NEGR1: variants seen among roughly 807,000 people sequenced by gnomAD.
NEGR1 encodes neuronal growth regulator 1.
Under a neutral mutation model 40.9 loss-of-function variants are expected in NEGR1, and 10 were observed. That is an observed-to-expected ratio of 0.24 (90% CI 0.15 to 0.42). The LOEUF is 0.42. Ranked by LOEUF, NEGR1 falls within the 10% of genes least tolerant of loss-of-function variation. The pLI is 1.00. For synonymous variants in NEGR1, 185 were observed against 166.8 expected, an observed-to-expected ratio of 1.11 and a Z score of -0.84; for missense variants, 352 against 438.9, an observed-to-expected ratio of 0.80 and a Z score of 1.77.
intron 6 of NEGR1, among the ~76,000 whole-genome samples, chr1:71,415,242 A>G (rs1646347826): frequency 6.6e-6 from 1 of 151,876 alleles, no homozygotes. Flanking sequence ...AAATCTCTCT[A>G]TTTTTGTGTT....
intron 5 of NEGR1, among the ~76,000 whole-genome samples, chr1:71,605,148 A>G (rs559746519): frequency 6.6e-6 from 1 of 152,198 alleles, no homozygotes; most frequent in Non-Finnish European, 1.5e-5. Context: ...AAACAGGAAA[A>G]GTAAGTAAAA....
At chr1:72,169,041 A>C (rs1211035293) in intron 1 of NEGR1, among the ~76,000 whole-genome samples, 1 of 152,226 alleles carries the variant, frequency 6.6e-6, no homozygotes, top group East Asian at 1.9e-4. Flanking sequence ...AAATGATGGG[A>C]GACAACCATA....
At chr1:71,982,665 T>C (rs557425780) in intron 1 of NEGR1, among the ~76,000 whole-genome samples, 2 of 152,176 alleles carry the variant, frequency 1.3e-5, no homozygotes, top group East Asian at 3.9e-4. Flanking sequence ...CAGCACAGTG[T>C]TTGCATACAT....
intron 3 of NEGR1, among the ~76,000 whole-genome samples, chr1:71,728,250 T>G (rs1022227839): frequency 6.6e-6 from 1 of 152,090 alleles, no homozygotes; most frequent in Non-Finnish European, 1.5e-5. Context: ...TCAATCAATA[T>G]ACAACCAACA....
chr1:71,775,347 T>C (rs1448791706), intron 3 of NEGR1, among the ~76,000 whole-genome samples: 2 of 12,566 alleles, frequency 1.6e-4, no homozygotes, highest in Non-Finnish European at 7.5e-4. Flanking sequence ...ATTCTTTAAC[T>C]TTTTTTTTTT....
intron 1 of NEGR1, among the ~76,000 whole-genome samples, chr1:72,045,641 C>A (rs1646994223): frequency 6.6e-6 from 1 of 151,796 alleles, no homozygotes; most frequent in Non-Finnish European, 1.5e-5. Context: ...CCTCCTCAGC[C>A]ATGTGGAACT....
At chr1:72,151,856 A>T (rs1397992969) in intron 1 of NEGR1, among the ~76,000 whole-genome samples, 1 of 151,870 alleles carries the variant, frequency 6.6e-6, no homozygotes, top group African/African-American at 2.4e-5. Context: ...AATCCCAAAG[A>T]TGTAGACACC....
intron 1 of NEGR1, among the ~76,000 whole-genome samples, chr1:72,111,494 G>A (rs2630395): frequency 0.46 from 69,292 of 150,900 alleles, 16,032 homozygotes; most frequent in Non-Finnish European, 0.5. Flanking sequence ...TGCATAAAGT[G>A]CTGCTTATTA....
intron 1 of NEGR1, among the ~76,000 whole-genome samples, chr1:72,112,539 G>A (rs1649415031): frequency 6.6e-6 from 1 of 151,572 alleles, no homozygotes; most frequent in African/African-American, 2.4e-5. Flanking sequence ...ATACATTTGT[G>A]ATTGTTAGGT....
At chr1:71,755,105 T>G (rs1655689073) in intron 3 of NEGR1, among the ~76,000 whole-genome samples, 1 of 152,194 alleles carries the variant, frequency 6.6e-6, no homozygotes, top group African/African-American at 2.4e-5. Context: ...GAAATTCTGA[T>G]TTTTCTTTCA....
intron 3 of NEGR1, among the ~76,000 whole-genome samples, chr1:71,723,670 G>T (rs182063905): frequency 6.6e-6 from 1 of 151,986 alleles, no homozygotes; most frequent in Non-Finnish European, 1.5e-5. Flanking sequence ...CACTTGTATC[G>T]TTTATAATAA....
chr1:71,967,696 G>T (rs992920928), intron 1 of NEGR1, among the ~76,000 whole-genome samples: 1 of 152,100 alleles, frequency 6.6e-6, no homozygotes, highest in African/African-American at 2.4e-5. Context: ...GCATCCAGGG[G>T]ATAATACTGC....
At chr1:72,236,357 ACC>A (rs1186549470) in intron 1 of NEGR1, among the ~76,000 whole-genome samples, 2 of 151,946 alleles carry the variant, frequency 1.3e-5, no homozygotes, top group African/African-American at 4.8e-5. Context: ...GGTGCAGCAA[ACC>A]ACATGGCACT....
At chr1:72,057,206 A>T (rs971677641) in intron 1 of NEGR1, among the ~76,000 whole-genome samples, 2 of 151,670 alleles carry the variant, frequency 1.3e-5, no homozygotes, top group Non-Finnish European at 3.0e-5. Flanking sequence ...TACACAAATT[A>T]CTTACAACAG....
chr1:71,875,320 T>C (rs148704161), intron 2 of NEGR1, among the ~76,000 whole-genome samples: 18 of 152,318 alleles, frequency 1.2e-4, no homozygotes, highest in African/African-American at 4.3e-4. Context: ...TTTGCTTTAA[T>C]TGTGCTGGAA....
At chr1:72,262,092 A>T (rs1655477970) in intron 1 of NEGR1, among the ~76,000 whole-genome samples, 3 of 152,030 alleles carry the variant, frequency 2.0e-5, no homozygotes, top group African/African-American at 7.2e-5. Flanking sequence ...TGGGCATCTT[A>T]GCATTTCACT....
chr1:71,778,207 A>G (rs1656578034), intron 2 of NEGR1, among the ~76,000 whole-genome samples: 1 of 152,194 alleles, frequency 6.6e-6, no homozygotes, highest in African/African-American at 2.4e-5. Context: ...ACAGATATAC[A>G]TATATAGATG....
chr1:71,435,158 C>A (rs184778450), intron 6 of NEGR1, among the ~76,000 whole-genome samples: 148 of 151,996 alleles, frequency 9.7e-4, no homozygotes, highest in Admixed American at 2.6e-3. Context: ...TCAGCAGGGG[C>A]AAAAACGTTG....
chr1:71,873,118 CAAAAA>C (rs34592789), intron 2 of NEGR1, among the ~76,000 whole-genome samples: 3 of 81,844 alleles, frequency 3.7e-5, no homozygotes, highest in African/African-American at 1.3e-4. Flanking sequence ...AAAGATGTAG[CAAAAA>C]AAAAAAAAAA....
Sources: gnomAD v4.1 joint callset for allele counts (sites outside exome capture counted in the v4.1 genomes callset) on GRCh38, gnomAD v4.1.1 for gene constraint, MANE v1.5 for transcripts, NCBI Gene and HGNC (gene_info 2026-07-23, HGNC 2026-07-21) for gene names.